The following PTPRG variants were observed in gnomAD, a reference collection of about 807,000 sequenced individuals.
PTPRG encodes protein tyrosine phosphatase receptor type G.
A neutral mutation model predicts 165.3 loss-of-function variants in PTPRG; 102 were observed. The ratio of observed to expected loss-of-function variants is 0.62; its 90% confidence interval spans 0.53 to 0.73. The LOEUF is 0.73. PTPRG is among the 30% of genes least tolerant of loss of function. The probability of loss-of-function intolerance (pLI) is 0.00; values close to 1 mark genes in which losing one functional copy is unlikely to be tolerated. For synonymous variants in PTPRG, 675 were observed against 669.5 expected (o/e 1.01, Z -0.13); for missense variants, 1,866 against 1,861.4 (o/e 1.00, Z -0.05).
chr3:61,896,405 G>A (rs752249979), intron 2 of PTPRG, among the ~76,000 whole-genome samples: 7 of 152,126 alleles, frequency 4.6e-5, no homozygotes, highest in Non-Finnish European at 7.4e-5. Context: ...TTTTATTGTT[G>A]AGTAATATGC....
At chr3:61,927,735 G>A (rs1170974186) in intron 2 of PTPRG, among the ~76,000 whole-genome samples, 1 of 152,164 alleles carries the variant, frequency 6.6e-6, no homozygotes, top group Non-Finnish European at 1.5e-5. Context: ...GGATGTTGCT[G>A]CTTTATAAAA....
intron 2 of PTPRG, among the ~76,000 whole-genome samples, chr3:61,981,838 A>G (rs2040650900): frequency 6.6e-6 from 1 of 152,108 alleles, no homozygotes; most frequent in African/African-American, 2.4e-5. Flanking sequence ...ATTCATGTCC[A>G]CTCTCCAGAG....
At chr3:62,274,728 T>C (rs906867961) in intron 23 of PTPRG, among the ~76,000 whole-genome samples, 3 of 152,262 alleles carry the variant, frequency 2.0e-5, no homozygotes, top group East Asian at 1.9e-4. Context: ...AAAAATAGTT[T>C]AATTTCACTG....
At chr3:61,837,061 C>G (rs1210629547) in intron 2 of PTPRG, among the ~76,000 whole-genome samples, 2 of 152,202 alleles carry the variant, frequency 1.3e-5, no homozygotes, top group South Asian at 2.1e-4. Flanking sequence ...CAGGTAGGCA[C>G]CCATCATCAT....
At chr3:61,602,483 A>T (rs1222038389) in intron 1 of PTPRG, among the ~76,000 whole-genome samples, 1 of 152,212 alleles carries the variant, frequency 6.6e-6, no homozygotes, top group Non-Finnish European at 1.5e-5. Context: ...TCCATTGTTC[A>T]TCAAGGAGAG....
At chr3:62,106,612 C>T (rs1702482353) in intron 5 of PTPRG, among the ~76,000 whole-genome samples, 1 of 151,870 alleles carries the variant, frequency 6.6e-6, no homozygotes, top group Non-Finnish European at 1.5e-5. Context: ...TAGCAGTCCT[C>T]CCACACCAGC....
In PTPRG at chr3:62,245,913, T is replaced by A. The variant is rs1051850147; in HGVS notation, c.2467+2015T>A. On this transcript the variant is annotated intron_variant, in intron 15 of 29. Transcript: ENST00000474889. The surrounding 1 kb of genome is among the most constrained non-coding windows in gnomAD (Gnocchi z 4.2). ...ATAGGCTTTAGAACTTTCAATTCAC[T>A]AGGATCCTCTGAATATGCCTTGCAA... Among the ~76,000 whole-genome samples, 1 of 152,144 alleles carries A rather than the reference T, an allele frequency of 6.6e-6. No homozygotes were observed. Among genetic ancestry groups the A allele is most frequent in the Non-Finnish European group, 1.5e-5 (1 of 68,010 alleles).
At chr3:62,127,228 A>G (rs189810696) in intron 5 of PTPRG, among the ~76,000 whole-genome samples, 231 of 152,302 alleles carry the variant, frequency 1.5e-3, no homozygotes, top group African/African-American at 5.2e-3. Flanking sequence ...AAATAACCAC[A>G]TTATAAATGC....
chr3:61,749,625 T>A (rs1224537397), intron 2 of PTPRG: 2 of 154,912 alleles, frequency 1.3e-5, no homozygotes, highest in Non-Finnish European at 2.9e-5. Context: ...AGGGATAGAC[T>A]TTTCTGGATT....
At chr3:61,741,914 A>C (rs677458) in intron 1 of PTPRG, among the ~76,000 whole-genome samples, 121,077 of 152,146 alleles carry the variant, frequency 0.8, 48,350 homozygotes, top group Middle Eastern at 0.84. Flanking sequence ...TTCAATCATG[A>C]ATTTGCAATC....
At chr3:61,621,381 T>C (rs1433265077) in intron 1 of PTPRG, among the ~76,000 whole-genome samples, 4 of 152,182 alleles carry the variant, frequency 2.6e-5, no homozygotes, top group Non-Finnish European at 5.9e-5. Context: ...TGGTATGTGC[T>C]ATAGATGGGA....
intron 2 of PTPRG, among the ~76,000 whole-genome samples, chr3:61,832,667 C>G (rs1019738223): frequency 6.6e-6 from 1 of 152,176 alleles, no homozygotes; most frequent in East Asian, 1.9e-4. Flanking sequence ...CTGCTCTGAT[C>G]TTTGGTTTTT....
At chr3:61,985,350 C>T (rs913806933) in intron 2 of PTPRG, among the ~76,000 whole-genome samples, 4 of 152,170 alleles carry the variant, frequency 2.6e-5, no homozygotes, top group African/African-American at 4.8e-5. Context: ...CTGCCTTAGC[C>T]GTTGGGTGGG....
intron 4 of PTPRG, among the ~76,000 whole-genome samples, chr3:62,062,622 A>G (rs967986517): frequency 6.6e-6 from 1 of 152,178 alleles, no homozygotes; most frequent in African/African-American, 2.4e-5. Context: ...TTACAATTAT[A>G]CTAATGATGA....
intron 4 of PTPRG, among the ~76,000 whole-genome samples, chr3:62,051,745 A>G (rs1307087996): frequency 6.6e-6 from 1 of 152,236 alleles, no homozygotes; most frequent in Non-Finnish European, 1.5e-5. Context: ...CAATTAAAAG[A>G]AAGCTGTGTT....
intron 1 of PTPRG, among the ~76,000 whole-genome samples, chr3:61,645,600 G>A (rs1702178201): frequency 6.6e-6 from 1 of 152,174 alleles, no homozygotes; most frequent in South Asian, 2.1e-4. Context: ...GCCTTAACGG[G>A]GCTAGTTCCT....
intron 14 of PTPRG, among the ~76,000 whole-genome samples, chr3:62,235,944 C>A (rs1199951391): frequency 1.3e-5 from 2 of 152,112 alleles, no homozygotes; most frequent in East Asian, 3.9e-4. Flanking sequence ...GTGAAACTTG[C>A]CATTTGATTA....
chr3:61,807,982 C>T (rs62243179), intron 2 of PTPRG, among the ~76,000 whole-genome samples: 2,180 of 152,250 alleles, frequency 0.014, 20 homozygotes, highest in Non-Finnish European at 0.02. Context: ...CTTCTGTTAA[C>T]GCCTGTTTAT....
chr3:61,785,824 A>G (rs752369341), intron 2 of PTPRG, among the ~76,000 whole-genome samples: 1 of 152,178 alleles, frequency 6.6e-6, no homozygotes, highest in Non-Finnish European at 1.5e-5. Flanking sequence ...TGATGATAAT[A>G]CACTAATGAA....
Sources: gnomAD v4.1 joint callset for allele counts (sites outside exome capture counted in the v4.1 genomes callset) on GRCh38, gnomAD v4.1.1 for gene constraint, Gnocchi (gnomAD v3.1) non-coding constraint, MANE v1.5 for transcripts, NCBI Gene and HGNC (gene_info 2026-07-23, HGNC 2026-07-21) for gene names.